Variants in PPP2R2C observed in about 807,000 individuals in gnomAD.
PPP2R2C encodes the protein protein phosphatase 2 regulatory subunit Bgamma.
PPP2R2C carries 10 observed loss-of-function variants against 45.3 expected under a neutral mutation model. The observed-to-expected ratio is 0.22, with a 90% CI of 0.14 to 0.37. The LOEUF (loss-of-function observed/expected upper bound fraction) is 0.37, where lower values mean the gene tolerates loss of function less well. PPP2R2C is among the 10% of genes least tolerant of loss of function. PPP2R2C has a pLI of 1.00. For missense variants in PPP2R2C, 308 were observed against 619.7 expected (o/e 0.50, Z 5.34); for synonymous variants, 257 against 245.4 (o/e 1.05, Z -0.44).
At chr4:6,374,488 T>C (rs35311310) in intron 4 of PPP2R2C, among the ~76,000 whole-genome samples, 1 of 152,088 alleles carries the variant, frequency 6.6e-6, no homozygotes. Flanking sequence ...GGACAGACAG[T>C]GTCGGATCCA....
chr4:6,382,093 A>G, intron 1 of PPP2R2C: 1 of 1,347,204 alleles, frequency 7.4e-7, no homozygotes. Context: ...CAAAATGATT[A>G]TTACTTTTAA....
At chr4:6,530,846 C>T (rs2108822272) in intron 2 of PPP2R2C, among the ~76,000 whole-genome samples, 1 of 152,386 alleles carries the variant, frequency 6.6e-6, no homozygotes, top group South Asian at 2.1e-4. Context: ...CTCCTGCCAT[C>T]TGGCCCTTTC....
At chr4:6,373,343 G>A (rs1275607533) in intron 4 of PPP2R2C, among the ~76,000 whole-genome samples, 2 of 152,212 alleles carry the variant, frequency 1.3e-5, no homozygotes, top group African/African-American at 2.4e-5. Flanking sequence ...GACTGCTGGT[G>A]TTGTTTTGTT....
At chr4:6,552,828 G>C (rs1214527496) in intron 1 of PPP2R2C, among the ~76,000 whole-genome samples, 1 of 152,092 alleles carries the variant, frequency 6.6e-6, no homozygotes, top group African/African-American at 2.4e-5. Context: ...GTCCTAATTT[G>C]ACAATAAGGC....
Position 6,348,213 on chromosome 4 carries a change from C to T in PPP2R2C, c.626-203G>A, listed in dbSNP as rs149018169. Reference sequence around the variant, plus strand: ...GCCTGCTGGCTACCCCTTCTAGGTGCCTGTCCCCTGTTCCCATGAAGCTGG... The same window carrying T: ...GCCTGCTGGCTACCCCTTCTAGGTGTCTGTCCCCTGTTCCCATGAAGCTGG... On this transcript the variant is annotated intron_variant, in intron 5 of 8. Coordinates refer to ENST00000382599, the MANE Select transcript of PPP2R2C (RefSeq NM_020416.4). Among the ~76,000 whole-genome samples the T allele has an allele frequency of 3.3e-5, 5 of 151,956 alleles. No individual in the cohort carries two copies. The East Asian group carries it at 7.8e-4, about 24-fold the overall frequency.
At chr4:6,370,221 A>C (rs1339773934) in intron 5 of PPP2R2C, among the ~76,000 whole-genome samples, 1 of 152,212 alleles carries the variant, frequency 6.6e-6, no homozygotes. Context: ...GCCCCTGCCA[A>C]CTGGGGACTC....
intron 1 of PPP2R2C, among the ~76,000 whole-genome samples, chr4:6,547,849 T>C (rs1020144159): frequency 6.6e-6 from 1 of 152,180 alleles, no homozygotes; most frequent in Non-Finnish European, 1.5e-5. Flanking sequence ...CCTAAAACCA[T>C]GAGACTTTTA....
intron 6 of PPP2R2C, among the ~76,000 whole-genome samples, chr4:6,346,014 G>A (rs1374258639): frequency 6.6e-6 from 1 of 152,118 alleles, no homozygotes; most frequent in African/African-American, 2.4e-5. Context: ...CCAGGCCACG[G>A]CCCCACCTTC....
At chr4:6,545,961 T>A (rs1233991386) in intron 1 of PPP2R2C, among the ~76,000 whole-genome samples, 1 of 141,502 alleles carries the variant, frequency 7.1e-6, no homozygotes, top group African/African-American at 2.6e-5. Flanking sequence ...GTTCCCTGGG[T>A]GGGGGGTGGG....
rs561306316 is a variant in PPP2R2C at position 6,447,587 on chromosome 4, C to A, written c.70+24573G>T. On this transcript the variant is annotated intron_variant, in intron 1 of 8. Coordinates refer to ENST00000382599, the MANE Select transcript of PPP2R2C (RefSeq NM_020416.4). ...ACCTGACCTTTGTCCTCCTCCTTCC[C>A]CCTGCTTTAGGGGGGTTGCAAGAGA... 9.9e-5 allele frequency among the ~76,000 whole-genome samples: 15 copies of A among 151,046 alleles called. No individual in the cohort carries two copies. The South Asian group carries it at 3.2e-3, about 32-fold the overall frequency.
At chr4:6,443,217 C>T (rs1577186335) in intron 1 of PPP2R2C, among the ~76,000 whole-genome samples, 1 of 152,190 alleles carries the variant, frequency 6.6e-6, no homozygotes, top group South Asian at 2.1e-4. Context: ...GGTGCCCGGC[C>T]GCCGCCTGGC....
In PPP2R2C at chr4:6,378,265, T is replaced by C. The variant is rs6835336; in HGVS notation, c.334+142A>G. The C allele has an allele frequency of 0.88, 1,297,015 of 1,476,206 alleles. 576,293 individuals carry two copies. Among genetic ancestry groups the C allele is most frequent in the Non-Finnish European group, 0.92 (1,010,228 of 1,103,614 alleles). 91.4% of individuals were successfully genotyped at this position (1,476,206 alleles called of 1,614,324 possible). A position where few individuals can be genotyped will look rare whatever the true frequency, so the allele number is the denominator to read the frequency against. Reference sequence around the variant, plus strand: ...CTGGCATACTCACTCATGGGATTTATATGCTGCTCAAAAAGGATATTATTT... The same window carrying C: ...CTGGCATACTCACTCATGGGATTTACATGCTGCTCAAAAAGGATATTATTT... On this transcript the variant is annotated intron_variant, in intron 3 of 8. Coordinates refer to ENST00000382599, the MANE Select transcript of PPP2R2C (RefSeq NM_020416.4). The surrounding 1 kb of genome is among the most constrained non-coding windows in gnomAD (Gnocchi z 5.2).
chr4:6,323,310 T>A lies in PPP2R2C; in HGVS notation c.1336A>T (p.Met446Leu). Residue 446 changes from methionine to leucine, a missense_variant, in exon 9 of 9, where the codon ATG becomes TTG. Transcript: ENST00000382599. ...YIFQDKVNSD[M>L]H ...CCGGGAACTGCACATACCTAGTGCA[T>A]GTCAGAGTTTACCTTGTCCTGGAAG... 2 of 1,600,698 alleles carry A rather than the reference T, an allele frequency of 1.2e-6. No homozygotes were observed. Among genetic ancestry groups the A allele is most frequent in the Non-Finnish European group, 1.7e-6 (2 of 1,169,234 alleles).
intron 1 of PPP2R2C, among the ~76,000 whole-genome samples, chr4:6,539,677 G>A (rs1197196406): frequency 6.6e-6 from 1 of 152,204 alleles, no homozygotes; most frequent in Middle Eastern, 3.2e-3. Flanking sequence ...GTGGTCAAGG[G>A]TGGCAAGTGC....
chr4:6,384,856 A>G (rs2109321440), intron 1 of PPP2R2C: 7 of 985,428 alleles, frequency 7.1e-6, no homozygotes, highest in East Asian at 1.1e-4. Flanking sequence ...AGCTCTTTGC[A>G]GACAGAAGTG....
chr4:6,325,494 C>A (rs1042886404), intron 8 of PPP2R2C, among the ~76,000 whole-genome samples: 1 of 152,148 alleles, frequency 6.6e-6, no homozygotes, highest in Non-Finnish European at 1.5e-5. Context: ...GAGGCAGCCC[C>A]CTTTGTTCTT....
At chr4:6,443,789 T>C (rs1350956649) in intron 1 of PPP2R2C, among the ~76,000 whole-genome samples, 1 of 130,504 alleles carries the variant, frequency 7.7e-6, no homozygotes, top group Non-Finnish European at 1.6e-5. Context: ...CCCCCCGGAG[T>C]CCTTGCAGAG....
chr4:6,510,692 T>C (rs1723397876), intron 2 of PPP2R2C, among the ~76,000 whole-genome samples: 1 of 152,092 alleles, frequency 6.6e-6, no homozygotes, highest in African/African-American at 2.4e-5. Flanking sequence ...AAAATGTTTG[T>C]TGAGGCCGGG....
At chr4:6,336,737 CTCCCTCCCTCCCTCCCTCCT>C (rs1732934272) in intron 6 of PPP2R2C, among the ~76,000 whole-genome samples, 2 of 44,058 alleles carry the variant, frequency 4.5e-5, no homozygotes, top group Admixed American at 1.8e-4. Context: ...CCTTCCCTCC[CTCCCTCCCTCCCTCCCTCCT>C]TCCCTCCCTC....
Sources: gnomAD v4.1 joint callset for allele counts (sites outside exome capture counted in the v4.1 genomes callset) on GRCh38, gnomAD v4.1.1 for gene constraint, Gnocchi (gnomAD v3.1) non-coding constraint, MANE v1.5 for transcripts, NCBI Gene and HGNC (gene_info 2026-07-23, HGNC 2026-07-21) for gene names.